Variants in LPAR3 observed in about 807,000 individuals in gnomAD.
LPAR3 encodes the protein LPA receptor 3.
Under a neutral mutation model 17.8 loss-of-function variants are expected in LPAR3, and 7 were observed. The observed-to-expected ratio is 0.39, with a 90% CI of 0.22 to 0.74. LPAR3 has a LOEUF of 0.74. Among genes scored for constraint, LPAR3 ranks in the 30% least tolerant of loss-of-function variants. The pLI is 0.40. For missense variants in LPAR3, 391 were observed against 453.4 expected (o/e 0.86, Z 1.25); for synonymous variants, 179 against 179.9 (o/e 0.99, Z 0.04).
intron 1 of LPAR3, among the ~76,000 whole-genome samples, chr1:84,873,754 G>GTTTTTTTTTTTTTTTTT (rs774761348): frequency 7.3e-6 from 1 of 137,530 alleles, no homozygotes. Context: ...TGTTTTGCTT[G>GTTTTTTTTTTTTTTTTT]TTTGTTTTTT....
In LPAR3 at chr1:84,835,753, C is replaced by T. The variant is rs1319532968; in HGVS notation, c.737-21582G>A. Among the ~76,000 whole-genome samples, 3 of 152,134 alleles carry T rather than the reference C, an allele frequency of 2.0e-5. No homozygotes were observed. The East Asian group carries it at 5.8e-4, about 29-fold the overall frequency. On this transcript the variant is annotated intron_variant, in intron 2 of 2. Coordinates refer to ENST00000370611, the MANE Select transcript of LPAR3 (RefSeq NM_012152.3). ...CTTGCTAGATTGACGTCAATCTTGT[C>T]TTAATCACCAAACTTCAGGTGTAAC...
At chr1:84,858,811 C>T (rs1659878992) in intron 2 of LPAR3, among the ~76,000 whole-genome samples, 1 of 152,154 alleles carries the variant, frequency 6.6e-6, no homozygotes. Context: ...AAAATAAAGG[C>T]ATGTAAACAA....
chr1:84,869,149 G>C (rs373214338), intron 1 of LPAR3, among the ~76,000 whole-genome samples: 223 of 152,214 alleles, frequency 1.5e-3, no homozygotes, highest in African/African-American at 5.2e-3. Context: ...TAACATTTTA[G>C]TTTTATTTCT....
At chr1:84,864,438 T>C (rs1302587147) in intron 2 of LPAR3, among the ~76,000 whole-genome samples, 2 of 152,148 alleles carry the variant, frequency 1.3e-5, no homozygotes, top group Non-Finnish European at 2.9e-5. Context: ...TAGGCATAAA[T>C]AGGTTAAACA....
chr1:84,881,915 TGAG>T (rs2102772625), intron 1 of LPAR3, among the ~76,000 whole-genome samples: 1 of 152,260 alleles, frequency 6.6e-6, no homozygotes, highest in East Asian at 1.9e-4. Context: ...TGCTCCAAGA[TGAG>T]GAACAAAGCA....
chr1:84,858,234 C>A (rs1030095836), intron 2 of LPAR3, among the ~76,000 whole-genome samples: 2 of 152,086 alleles, frequency 1.3e-5, no homozygotes, highest in Non-Finnish European at 2.9e-5. Context: ...GCAATCCCAG[C>A]ACTTTGGGAG....
At chr1:84,847,120 T>C (rs1402890836) in intron 2 of LPAR3, among the ~76,000 whole-genome samples, 1 of 152,234 alleles carries the variant, frequency 6.6e-6, no homozygotes, top group Non-Finnish European at 1.5e-5. Context: ...TTTAAAACAC[T>C]GAAGCTGGAT....
At chr1:84,820,076 T>C (rs553015938) in intron 2 of LPAR3, among the ~76,000 whole-genome samples, 1 of 152,318 alleles carries the variant, frequency 6.6e-6, no homozygotes, top group South Asian at 2.1e-4. Context: ...ATTATTATCC[T>C]AGACTAACAT....
At chr1:84,849,991 G>T (rs1659672320) in intron 2 of LPAR3, among the ~76,000 whole-genome samples, 1 of 152,146 alleles carries the variant, frequency 6.6e-6, no homozygotes. Context: ...GCTCAGAAGG[G>T]CCTGCACTTG....
intron 2 of LPAR3, among the ~76,000 whole-genome samples, chr1:84,860,569 C>T (rs1659921062): frequency 1.3e-5 from 2 of 152,122 alleles, no homozygotes; most frequent in Admixed American, 1.3e-4. Context: ...TCTCCACACT[C>T]AACAGCCCCT....
chr1:84,864,541 C>G (rs142604442), intron 2 of LPAR3, among the ~76,000 whole-genome samples: 1 of 152,168 alleles, frequency 6.6e-6, no homozygotes, highest in African/African-American at 2.4e-5. Context: ...TCATGTCACT[C>G]CCCTGTTTAA....
At chr1:84,863,858 C>A (rs961201666) in intron 2 of LPAR3, among the ~76,000 whole-genome samples, 1 of 152,146 alleles carries the variant, frequency 6.6e-6, no homozygotes, top group Non-Finnish European at 1.5e-5. Context: ...ACATTCCCCA[C>A]CTTCTCCTCC....
intron 2 of LPAR3, among the ~76,000 whole-genome samples, chr1:84,864,382 G>C (rs557694645): frequency 6.6e-6 from 1 of 152,230 alleles, no homozygotes; most frequent in South Asian, 2.1e-4. Context: ...TTGAGCAGTA[G>C]GATATAAATA....
In LPAR3 at chr1:84,888,457, T is replaced by C. The variant is rs1660498486; in HGVS notation, c.-19+4559A>G. ...GCTTTGGTTTTCTATAACTAGTCAC[T>C]GCCAATGGCTTTGAGTCTTAACTCT... On this transcript the variant is annotated intron_variant, in intron 1 of 2. Transcript: ENST00000370611. Among the ~76,000 whole-genome samples the C allele has an allele frequency of 2.0e-5, 3 of 152,196 alleles. No individual in the cohort carries two copies. In the South Asian group the frequency reaches 6.2e-4, roughly 32 times the overall value.
intron 1 of LPAR3, among the ~76,000 whole-genome samples, chr1:84,884,196 G>A (rs187697803): frequency 3.4e-4 from 52 of 152,320 alleles, no homozygotes; most frequent in Middle Eastern, 6.8e-3. Context: ...AGTTTAGACT[G>A]TGAGGTTCGG....
At chr1:84,859,451 T>G (rs1252971831) in intron 2 of LPAR3, among the ~76,000 whole-genome samples, 1 of 152,204 alleles carries the variant, frequency 6.6e-6, no homozygotes, top group African/African-American at 2.4e-5. Flanking sequence ...TTTCATATTT[T>G]AAAAGAGTTC....
In LPAR3 at chr1:84,843,607, T is replaced by A. The variant is rs180974096; in HGVS notation, c.736+21778A>T. Among the ~76,000 whole-genome samples, 5 of 152,324 alleles carry A rather than the reference T, an allele frequency of 3.3e-5. No homozygotes were observed. In the East Asian group the frequency reaches 9.6e-4, roughly 29 times the overall value. ...TGCGTGAAACGCCACACCTGCTGGG[T>A]GTTGGCAGAGACTCGCTGATGGATT... On this transcript the variant is annotated intron_variant, in intron 2 of 2. Coordinates refer to ENST00000370611, the MANE Select transcript of LPAR3 (RefSeq NM_012152.3).
At chr1:84,849,572 T>C (rs1040917731) in intron 2 of LPAR3, among the ~76,000 whole-genome samples, 1 of 151,932 alleles carries the variant, frequency 6.6e-6, no homozygotes, top group African/African-American at 2.4e-5. Context: ...CCTGACTCAT[T>C]GGTGAGTCCA....
intron 2 of LPAR3, among the ~76,000 whole-genome samples, chr1:84,862,511 AG>A (rs1659959484): frequency 6.6e-6 from 1 of 152,236 alleles, no homozygotes; most frequent in South Asian, 2.1e-4. Flanking sequence ...CCTATCTCAC[AG>A]GGTTTCCATG....
Sources: gnomAD v4.1 joint callset for allele counts (sites outside exome capture counted in the v4.1 genomes callset) on GRCh38, gnomAD v4.1.1 for gene constraint, MANE v1.5 for transcripts, NCBI Gene and HGNC (gene_info 2026-07-23, HGNC 2026-07-21) for gene names.